Variants in TMEM92 observed in about 807,000 individuals in gnomAD.
TMEM92 encodes the protein transmembrane protein 92.
TMEM92 carries 15 observed loss-of-function variants against 14.6 expected under a neutral mutation model. The observed-to-expected ratio is 1.03, with a 90% CI of 0.69 to 1.58. TMEM92 has a LOEUF of 1.58. Among genes scored for constraint, TMEM92 ranks in the 40% most tolerant of loss-of-function variants. The pLI is 0.00. For synonymous variants in TMEM92, 85 were observed against 83.3 expected (o/e 1.02, Z -0.11); for missense variants, 174 against 202.4 (o/e 0.86, Z 0.85).
At chr17:50,278,382 C>T (rs1286220783) in intron 2 of TMEM92, among the ~76,000 whole-genome samples, 174 bp from the exon 3 acceptor site, 1 of 152,164 alleles carries the variant, frequency 6.6e-6, no homozygotes, top group African/African-American at 2.4e-5. Flanking sequence ...GTGCACACGC[C>T]CTTCCCCAGA....
In TMEM92 at chr17:50,279,171, C is replaced by T. The variant is rs756320789; in HGVS notation, c.367-24C>T. On this transcript the variant is annotated intron_variant, in intron 4 of 4. Coordinates refer to ENST00000507382, the MANE Select transcript of TMEM92 (RefSeq NM_153229.3). Reference sequence around the variant, plus strand: ...GTGGCCAGGGCCAGGGCCCAGAAGACTGAATTCTCTCTTTTCCCTGCAGGT... The same window carrying T: ...GTGGCCAGGGCCAGGGCCCAGAAGATTGAATTCTCTCTTTTCCCTGCAGGT... The T allele has an allele frequency of 4.4e-6, 7 of 1,608,974 alleles. No individual in the cohort carries two copies. The South Asian group carries it at 7.7e-5, about 18-fold the overall frequency.
At chr17:50,277,766 A>G in intron 2 of TMEM92, 26 bp downstream of exon 2, 1 of 1,613,798 alleles carries the variant, frequency 6.2e-7, no homozygotes, top group African/African-American at 1.3e-5. Context: ...ATAACTTCCA[A>G]TCTGGGGAGC....
rs1317201433 is a variant in TMEM92, at chr17:50,281,112, A to G, written c.*1804A>G. Reference sequence around the variant, plus strand: ...TTTAACTCCTCCTAGGGAGTAGCAGAGTGGCCCTAGGGAAAGTGGCCATCC... The same window carrying G: ...TTTAACTCCTCCTAGGGAGTAGCAGGGTGGCCCTAGGGAAAGTGGCCATCC... On this transcript the variant is annotated 3_prime_UTR_variant, in exon 5 of 5. Coordinates refer to ENST00000507382, the MANE Select transcript of TMEM92 (RefSeq NM_153229.3). 6.6e-6 allele frequency: 1 copy of G among 152,144 alleles called. No homozygotes were observed. The highest frequency in any genetic ancestry group is 1.9e-4 in the East Asian group (1 of 5,200). The allele number at this position is 152,144 out of a possible 1,614,324, so 9.4% of individuals were successfully genotyped here.
At position 50,279,580 on chromosome 17, in the gene TMEM92, A is replaced by G. The variant is rs1205438601; in HGVS notation, c.*272A>G. The G allele has an allele frequency of 2.4e-6, 1 of 409,170 alleles. No homozygotes were observed. Among genetic ancestry groups the G allele is most frequent in the Non-Finnish European group, 4.5e-6 (1 of 223,778 alleles). 25.3% of individuals were successfully genotyped at this position (409,170 alleles called of 1,614,324 possible). A position where few individuals can be genotyped will look rare whatever the true frequency, so the allele number is the denominator to read the frequency against. ...AAATGCTGACCATTGGAGGTGCCCAACAGTAGAATGGGCTACTGTGAGGGG... is the reference window on the plus strand; with the variant it reads ...AAATGCTGACCATTGGAGGTGCCCAGCAGTAGAATGGGCTACTGTGAGGGG... On this transcript the variant is annotated 3_prime_UTR_variant, in exon 5 of 5. Transcript: ENST00000507382.
chr17:50,273,074 C>T (rs1910302939), upstream of TMEM92, among the ~76,000 whole-genome samples: 1 of 152,100 alleles, frequency 6.6e-6, no homozygotes, highest in Non-Finnish European at 1.5e-5. Context: ...CCCACGACGT[C>T]GGGGGTGTTT....
At chr17:50,278,710 G>A (rs918786613) in intron 3 of TMEM92, 80 bp downstream of exon 3, 1 of 1,580,732 alleles carries the variant, frequency 6.3e-7, no homozygotes, top group Non-Finnish European at 8.6e-7. Flanking sequence ...CACCTGCCGA[G>A]GGGGCAGTGT....
intron 1 of TMEM92, among the ~76,000 whole-genome samples, chr17:50,277,129 G>A (rs1027734811): frequency 1.3e-5 from 2 of 152,138 alleles, no homozygotes; most frequent in Non-Finnish European, 2.9e-5. Flanking sequence ...GAATCCCTTA[G>A]GCAGGGATCT....
In TMEM92 at chr17:50,280,864, GCCCAAGCGTAAGTGGAAGTTT is replaced by G. The variant is rs1425104063; in HGVS notation, c.*1560_*1580del. The stretch of plus-strand genomic sequence containing the variant: ...GCCAGGGTTGGCCATAGGAGAATGA[GCCCAAGCGTAAGTGGAAGTTT>G]CCCTTTACTTTCAGGGATTGGTCAG... On this transcript the variant is annotated 3_prime_UTR_variant, in exon 5 of 5. Coordinates refer to ENST00000507382, the MANE Select transcript of TMEM92 (RefSeq NM_153229.3). The G allele has an allele frequency of 1.3e-5, 2 of 152,420 alleles. No homozygotes were observed. Among genetic ancestry groups the G allele is most frequent in the Non-Finnish European group, 2.9e-5 (2 of 68,120 alleles). The allele number at this position is 152,420 out of a possible 1,614,324, so 9.4% of individuals were successfully genotyped here.
chr17:50,277,614 C>T, intron 1 of TMEM92, 101 bp from the exon 2 acceptor site: 1 of 1,393,142 alleles, frequency 7.2e-7, no homozygotes, highest in Non-Finnish European at 1.0e-6. Context: ...CTACTGGGGA[C>T]CTGCTGCCTG....
chr17:50,280,154 G>A lies in TMEM92; in HGVS notation c.*846G>A, dbSNP rs1910570303. 1 of 152,000 alleles carries A rather than the reference G, an allele frequency of 6.6e-6. No individual in the cohort carries two copies. The highest frequency in any genetic ancestry group is 1.5e-5 in the Non-Finnish European group (1 of 68,070). 9.4% of individuals were successfully genotyped at this position (152,000 alleles called of 1,614,324 possible). A position where few individuals can be genotyped will look rare whatever the true frequency, so the allele number is the denominator to read the frequency against. Reference sequence around the variant, plus strand: ...GAGAAGTTGGTAAGTTGGCTGTGAGGGGGTTGGATCCAGGAAGCAGCCCTG... The same window carrying A: ...GAGAAGTTGGTAAGTTGGCTGTGAGAGGGTTGGATCCAGGAAGCAGCCCTG... On this transcript the variant is annotated 3_prime_UTR_variant, in exon 5 of 5. Transcript: ENST00000507382.
intron 1 of TMEM92, among the ~76,000 whole-genome samples, chr17:50,276,459 A>G (rs1368144887): frequency 1.3e-5 from 2 of 152,172 alleles, no homozygotes; most frequent in Admixed American, 1.3e-4. Flanking sequence ...CCCAACTCTT[A>G]TTGGCTATCA....
chr17:50,274,767 C>A (rs1910372458), intron 1 of TMEM92, 197 bp downstream of exon 1: 2 of 595,416 alleles, frequency 3.4e-6, no homozygotes, highest in Non-Finnish European at 5.9e-6. Context: ...GCTGGGTTCT[C>A]CCACCTCTGA....
At chr17:50,274,390 C>A, upstream of TMEM92, 1 of 1,093,862 alleles carries the variant, frequency 9.1e-7, no homozygotes, top group Non-Finnish European at 1.4e-6. Flanking sequence ...TCCGCCTCTC[C>A]CGGTGCAGCT....
intron 1 of TMEM92, chr17:50,274,788 G>C (rs1910372810): frequency 1.8e-6 from 1 of 570,866 alleles, no homozygotes; most frequent in Non-Finnish European, 3.1e-6. Context: ...GGGGGATCCT[G>C]TGGTGGGAAG....
chr17:50,279,413 C>T lies in TMEM92; in HGVS notation c.*105C>T, dbSNP rs561349493. The T allele has an allele frequency of 5.9e-5, 52 of 882,864 alleles. No individual in the cohort carries two copies. The highest frequency in any genetic ancestry group is 8.5e-5 in the African/African-American group (5 of 59,100). 54.7% of individuals were successfully genotyped at this position (882,864 alleles called of 1,614,324 possible). ...CCAGGAATGTCCCTGCCCATCCTGC[C>T]GTGTCTCTGTTCATTCTTGGATTTA... is the stretch of plus-strand genomic sequence containing the variant. On this transcript the variant is annotated 3_prime_UTR_variant, in exon 5 of 5. Transcript: ENST00000507382.
Position 50,279,390 on chromosome 17 carries a change from A to G in TMEM92, c.*82A>G. ...TCAAGCTAGAGACTGCTGGCACCCCAGGAATGTCCCTGCCCATCCTGCCGT... is the reference window on the plus strand; with the variant it reads ...TCAAGCTAGAGACTGCTGGCACCCCGGGAATGTCCCTGCCCATCCTGCCGT... On this transcript the variant is annotated 3_prime_UTR_variant, in exon 5 of 5. Coordinates refer to ENST00000507382, the MANE Select transcript of TMEM92 (RefSeq NM_153229.3). 2.7e-6 allele frequency: 3 copies of G among 1,100,858 alleles called. No individual in the cohort carries two copies. The highest frequency in any genetic ancestry group is 4.1e-6 in the Non-Finnish European group (3 of 727,000). The allele number at this position is 1,100,858 out of a possible 1,614,324, so 68.2% of individuals were successfully genotyped here. A position where few individuals can be genotyped will look rare whatever the true frequency, so the allele number is the denominator to read the frequency against.
intron 2 of TMEM92, 76 bp downstream of exon 2, chr17:50,277,816 G>A: frequency 6.3e-7 from 1 of 1,578,544 alleles, no homozygotes; most frequent in Admixed American, 1.7e-5. Flanking sequence ...ATGCCTTGGG[G>A]GGTGTGGGAG....
At position 50,280,713 on chromosome 17, in the gene TMEM92, G is replaced by A. The variant is rs1245537563; in HGVS notation, c.*1405G>A. 6.6e-6 allele frequency: 1 copy of A among 152,620 alleles called. No individual in the cohort carries two copies. Among genetic ancestry groups the A allele is most frequent in the Non-Finnish European group, 1.5e-5 (1 of 68,396 alleles). 9.5% of individuals were successfully genotyped at this position (152,620 alleles called of 1,614,324 possible). A position where few individuals can be genotyped will look rare whatever the true frequency, so the allele number is the denominator to read the frequency against. On this transcript the variant is annotated 3_prime_UTR_variant, in exon 5 of 5. Transcript: ENST00000507382. ...TGGGGGCATCAGGACGCAGGCAGGT[G>A]GCAGAGCTGGGGGCAGCTTGATGGC...
chr17:50,274,642 C>G, intron 1 of TMEM92, 72 bp downstream of exon 1: 1 of 1,340,926 alleles, frequency 7.5e-7, no homozygotes, highest in Non-Finnish European at 1.0e-6. Context: ...CTTCTGGAGC[C>G]TGGTCGCCAC....
Sources: allele counts gnomAD v4.1 joint callset (sites outside exome capture counted in the v4.1 genomes callset), GRCh38; gene constraint gnomAD v4.1.1; transcripts MANE v1.5; gene names NCBI Gene and HGNC (gene_info 2026-07-23, HGNC 2026-07-21).